The following RASAL2 variants were observed in gnomAD, a reference collection of about 807,000 sequenced individuals.
RASAL2 encodes ras GTPase-activating protein nGAP.
In RASAL2, 58 loss-of-function variants were observed where a neutral mutation model predicts 128.9. The observed-to-expected ratio is 0.45, with a 90% confidence interval of 0.36 to 0.56. The LOEUF (loss-of-function observed/expected upper bound fraction) is 0.56. Among genes scored for constraint, RASAL2 ranks in the 20% least tolerant of loss-of-function variants. The pLI, the probability that RASAL2 is intolerant of heterozygous loss-of-function variation, is 0.00. For missense variants in RASAL2, 1,360 were observed against 1,601.6 expected (o/e 0.85, Z 2.57); for synonymous variants, 561 against 580.8 (o/e 0.97, Z 0.49).
chr1:178,412,883 G>A (rs929702133), intron 4 of RASAL2, among the ~76,000 whole-genome samples: 1 of 152,150 alleles, frequency 6.6e-6, no homozygotes, highest in African/African-American at 2.4e-5. Flanking sequence ...GAATATCTGA[G>A]AAAATTCCCC....
In RASAL2 at chr1:178,439,419, T is replaced by C. The variant is rs765413629; in HGVS notation, c.675-3T>C. 6.3e-7 allele frequency: 1 copy of C among 1,599,920 alleles called. No homozygotes were observed. Among genetic ancestry groups the C allele is most frequent in the Non-Finnish European group, 8.5e-7 (1 of 1,174,294 alleles). ...TACCTTAAATATCTTTTTCTACTTT[T>C]AGGTCTCGTGGGCTGCCTAAACTAA... is the stretch of plus-strand genomic sequence containing the variant. On this transcript the variant is annotated splice_polypyrimidine_tract_variant and splice_region_variant and intron_variant, in intron 5 of 17. Coordinates refer to ENST00000367649, the MANE Select transcript of RASAL2 (RefSeq NM_170692.4).
intron 4 of RASAL2, chr1:178,412,073 A>C: frequency 2.8e-6 from 1 of 351,694 alleles, no homozygotes. Flanking sequence ...AAAAAAAAAA[A>C]AGAGTAGGTG....
intron 3 of RASAL2, among the ~76,000 whole-genome samples, chr1:178,373,731 A>G (rs543653058): frequency 3.9e-5 from 6 of 152,170 alleles, no homozygotes; most frequent in African/African-American, 1.4e-4. Context: ...TTGGTTAACA[A>G]AGATGAGTAA....
At chr1:178,310,622 A>G (rs1327106012) in intron 3 of RASAL2, among the ~76,000 whole-genome samples, 2 of 152,148 alleles carry the variant, frequency 1.3e-5, no homozygotes, top group Non-Finnish European at 2.9e-5. Context: ...TTCTAAGTTG[A>G]GGTGCGAGAC....
At position 178,178,024 on chromosome 1, in the gene RASAL2, G is replaced by A. The variant is rs1419707669; in HGVS notation, c.202+83330G>A. On this transcript the variant is annotated intron_variant, in intron 1 of 17. Coordinates refer to ENST00000367649, the MANE Select transcript of RASAL2 (RefSeq NM_170692.4). ...TTTGTGATTATAGTTTTCAAATTTCGTATTGAGTGTTGCTTACTGAATTGA... is the reference window on the plus strand; with the variant it reads ...TTTGTGATTATAGTTTTCAAATTTCATATTGAGTGTTGCTTACTGAATTGA... Among the ~76,000 whole-genome samples the A allele has an allele frequency of 4.6e-5, 7 of 152,024 alleles. No homozygotes were observed. The South Asian group carries it at 6.2e-4, about 14-fold the overall frequency.
intron 1 of RASAL2, among the ~76,000 whole-genome samples, chr1:178,156,422 A>G (rs1661086185): frequency 6.6e-6 from 1 of 152,064 alleles, no homozygotes; most frequent in Admixed American, 6.5e-5. Context: ...GGTTTAATGG[A>G]CTCCTTATAA....
intron 1 of RASAL2, among the ~76,000 whole-genome samples, chr1:178,265,182 A>G (rs1352855549): frequency 1.3e-5 from 2 of 152,094 alleles, no homozygotes. Context: ...TTTTCATATA[A>G]CTCACATTTG....
chr1:178,358,748 A>C (rs531986265), intron 3 of RASAL2, among the ~76,000 whole-genome samples: 2 of 152,258 alleles, frequency 1.3e-5, no homozygotes, highest in South Asian at 4.1e-4. Context: ...ACATTTATAT[A>C]CCCTAAGCCC....
intron 1 of RASAL2, among the ~76,000 whole-genome samples, chr1:178,107,590 T>A (rs746064401): frequency 6.6e-6 from 1 of 152,146 alleles, no homozygotes; most frequent in Non-Finnish European, 1.5e-5. Flanking sequence ...AATGTTTTCA[T>A]CATCTTCAAA....
At chr1:178,164,625 TTC>T (rs922641306) in intron 1 of RASAL2, among the ~76,000 whole-genome samples, 1 of 151,998 alleles carries the variant, frequency 6.6e-6, no homozygotes, top group African/African-American at 2.4e-5. Flanking sequence ...CAGGATTTTT[TTC>T]TCTGTTTTAA....
At chr1:178,175,523 ATTTAC>A (rs889172449) in intron 1 of RASAL2, among the ~76,000 whole-genome samples, 3 of 149,902 alleles carry the variant, frequency 2.0e-5, no homozygotes, top group Admixed American at 6.7e-5. Flanking sequence ...AATTTACTTA[ATTTAC>A]TTCTTTTAAA....
chr1:178,101,627 A>G lies in RASAL2; in HGVS notation c.202+6933A>G, dbSNP rs756155074. Among the ~76,000 whole-genome samples, 103 of 152,242 alleles carry G rather than the reference A, an allele frequency of 6.8e-4. 1 individual carries two copies. Among genetic ancestry groups the G allele is most frequent in the Admixed American group, 5.9e-4 (9 of 15,290 alleles). ...AGAGTAGTCTGAAAAGTTAAAATGA[A>G]ACCTTAAAGTCAATAGTTTTTGATA... On this transcript the variant is annotated intron_variant, in intron 1 of 17. Coordinates refer to ENST00000367649, the MANE Select transcript of RASAL2 (RefSeq NM_170692.4).
At chr1:178,430,944 A>ACACACC (rs145043848) in intron 5 of RASAL2, among the ~76,000 whole-genome samples, 3 of 147,288 alleles carry the variant, frequency 2.0e-5, no homozygotes, top group African/African-American at 7.6e-5. Context: ...ACACACACAC[A>ACACACC]CCCCTCTTAT....
chr1:178,454,770 G>GAGT, intron 12 of RASAL2, 122 bp downstream of exon 12: 1 of 761,946 alleles, frequency 1.3e-6, no homozygotes, highest in Non-Finnish European at 2.1e-6. Flanking sequence ...AGAAATCTGA[G>GAGT]AGTAAATGGT....
At chr1:178,238,869 G>A (rs1381256010) in intron 1 of RASAL2, among the ~76,000 whole-genome samples, 2 of 151,904 alleles carry the variant, frequency 1.3e-5, no homozygotes, top group Non-Finnish European at 2.9e-5. Flanking sequence ...GTTTTTATTT[G>A]GTTTCTCACA....
At chr1:178,204,365 G>A (rs1662971909) in intron 1 of RASAL2, among the ~76,000 whole-genome samples, 1 of 152,102 alleles carries the variant, frequency 6.6e-6, no homozygotes. Flanking sequence ...AATATTGATG[G>A]TTAATACACA....
At chr1:178,249,136 T>C (rs1664924699) in intron 1 of RASAL2, among the ~76,000 whole-genome samples, 1 of 152,200 alleles carries the variant, frequency 6.6e-6, no homozygotes, top group South Asian at 2.1e-4. Context: ...AAGTGTGTTT[T>C]CCAACTTGGT....
At chr1:178,367,784 A>T (rs1212217280) in intron 3 of RASAL2, among the ~76,000 whole-genome samples, 1 of 152,232 alleles carries the variant, frequency 6.6e-6, no homozygotes, top group Non-Finnish European at 1.5e-5. Flanking sequence ...TAAGACAATT[A>T]TTCAGTTATT....
At chr1:178,382,403 A>G (rs1672332852) in intron 3 of RASAL2, among the ~76,000 whole-genome samples, 1 of 152,182 alleles carries the variant, frequency 6.6e-6, no homozygotes. Flanking sequence ...ACACCTCAAG[A>G]GTATGACTTA....
Sources: allele counts gnomAD v4.1 joint callset (sites outside exome capture counted in the v4.1 genomes callset), GRCh38; gene constraint gnomAD v4.1.1; transcripts MANE v1.5; gene names NCBI Gene and HGNC (gene_info 2026-07-23, HGNC 2026-07-21).